LINGO2: variants seen among roughly 807,000 people sequenced by gnomAD.
LINGO2 encodes leucine-rich repeat and immunoglobulin-like domain-containing nogo receptor-interacting protein 2.
Under a neutral mutation model 30.6 loss-of-function variants are expected in LINGO2, and 14 were observed. The ratio of observed to expected loss-of-function variants is 0.46; its 90% confidence interval spans 0.30 to 0.72. The LOEUF (loss-of-function observed/expected upper bound fraction) is 0.72, where lower values mean the gene tolerates loss of function less well. Ranked by LOEUF, LINGO2 falls within the 30% of genes least tolerant of loss-of-function variation. The pLI, the probability that LINGO2 is intolerant of heterozygous loss-of-function variation, is 0.07. For missense variants in LINGO2, 729 were observed against 751.7 expected, an observed-to-expected ratio of 0.97 and a Z score of 0.35; for synonymous variants, 317 against 288.5, an observed-to-expected ratio of 1.10 and a Z score of -1.00.
chr9:28,033,381 C>CTCT (rs1467631854), intron 4 of LINGO2, among the ~76,000 whole-genome samples: 7 of 152,104 alleles, frequency 4.6e-5, no homozygotes, highest in Non-Finnish European at 2.9e-5. Flanking sequence ...GGAGGGGGAT[C>CTCT]TCTTATTAGC....
At chr9:28,933,629 C>T in the LINGO2 span, among the ~76,000 whole-genome samples, 1 of 152,098 alleles carries the variant, frequency 6.6e-6, no homozygotes, top group Admixed American at 6.5e-5. Flanking sequence ...ACAAACAGAG[C>T]CAGGGAAGGC....
chr9:29,204,027 T>C, the LINGO2 span, among the ~76,000 whole-genome samples: 1 of 152,302 alleles, frequency 6.6e-6, no homozygotes, highest in South Asian at 2.1e-4. Context: ...CAACTGTGAA[T>C]GCACATAAAA....
chr9:28,516,459 T>C (rs187790025), intron 1 of LINGO2, among the ~76,000 whole-genome samples: 3 of 152,318 alleles, frequency 2.0e-5, no homozygotes, highest in East Asian at 3.9e-4. Flanking sequence ...CCACAGCCTG[T>C]TGGTTTTAGG....
At chr9:29,175,905 G>T in the LINGO2 span, among the ~76,000 whole-genome samples, 2 of 151,950 alleles carry the variant, frequency 1.3e-5, no homozygotes, top group Non-Finnish European at 2.9e-5. Context: ...CTTTTTCCCT[G>T]AACTTATTTT....
the LINGO2 span, among the ~76,000 whole-genome samples, chr9:28,881,487 A>T: frequency 6.6e-6 from 1 of 152,180 alleles, no homozygotes; most frequent in African/African-American, 2.4e-5. Context: ...CTAAGAAAGC[A>T]TTTTAATTTT....
rs567475144 is a variant in LINGO2, at chr9:28,449,915, C to A, written c.-279+26025G>T. 2.2e-4 allele frequency among the ~76,000 whole-genome samples: 33 copies of A among 152,086 alleles called. 1 individual carries two copies. In the South Asian group the frequency reaches 6.2e-3, roughly 29 times the overall value. ...CTGCCTTTCTTAGAGTTGACTATAG[C>A]CAAATCTCATTTCCTTATCCCCTGG... On this transcript the variant is annotated intron_variant, in intron 2 of 5. Coordinates refer to ENST00000379992, the Ensembl canonical transcript of LINGO2.
At chr9:28,866,131 A>G in the LINGO2 span, among the ~76,000 whole-genome samples, 1 of 152,090 alleles carries the variant, frequency 6.6e-6, no homozygotes, top group African/African-American at 2.4e-5. Flanking sequence ...TATGCTCTCT[A>G]TTTTATATAA....
chr9:28,963,393 T>C, the LINGO2 span, among the ~76,000 whole-genome samples: 1 of 151,920 alleles, frequency 6.6e-6, no homozygotes, highest in Non-Finnish European at 1.5e-5. Flanking sequence ...GTTCCACTAC[T>C]GGGTATGTAT....
intron 4 of LINGO2, among the ~76,000 whole-genome samples, chr9:28,123,725 G>A (rs745475679): frequency 2.8e-4 from 43 of 151,846 alleles, no homozygotes; most frequent in Non-Finnish European, 5.3e-4. Flanking sequence ...GTGCAGCGGC[G>A]TGATCTCGGC....
the LINGO2 span, among the ~76,000 whole-genome samples, chr9:29,190,535 A>G: frequency 3.9e-5 from 6 of 152,148 alleles, no homozygotes; most frequent in Admixed American, 2.6e-4. Flanking sequence ...GAAAACAACT[A>G]TTTTCTAGTT....
At chr9:28,506,403 TATATATATATATATATATACAC>T (rs1188243660) in intron 1 of LINGO2, among the ~76,000 whole-genome samples, 2 of 5,852 alleles carry the variant, frequency 3.4e-4, no homozygotes, top group African/African-American at 5.3e-4. Context: ...CTTAGACATA[TATATATATATATATATATACAC>T]ACACACACAC....
chr9:28,866,943 AT>A, the LINGO2 span, among the ~76,000 whole-genome samples: 3 of 152,302 alleles, frequency 2.0e-5, 1 homozygote, highest in Middle Eastern at 0.01. Flanking sequence ...ATTCATCCTT[AT>A]TTCTTAGAAT....
At chr9:29,016,010 A>G in the LINGO2 span, among the ~76,000 whole-genome samples, 1 of 152,202 alleles carries the variant, frequency 6.6e-6, no homozygotes, top group East Asian at 1.9e-4. Context: ...TTCTCTTTCT[A>G]TGTGTACCTT....
chr9:28,156,172 C>T (rs117209142), intron 4 of LINGO2, among the ~76,000 whole-genome samples: 3,616 of 152,198 alleles, frequency 0.024, 85 homozygotes, highest in Non-Finnish European at 0.036. Context: ...TTTCTCATTT[C>T]GTCTTATGTA....
the LINGO2 span, among the ~76,000 whole-genome samples, chr9:28,754,444 A>G: frequency 1.3e-5 from 2 of 152,102 alleles, no homozygotes; most frequent in African/African-American, 2.4e-5. Context: ...ATCCCAGAAG[A>G]TACTTGTTAG....
intron 3 of LINGO2, among the ~76,000 whole-genome samples, chr9:28,300,884 C>A (rs1359416991): frequency 6.7e-6 from 1 of 150,276 alleles, no homozygotes; most frequent in Non-Finnish European, 1.5e-5. Flanking sequence ...TTGAACATGT[C>A]AGAACATGTC....
chr9:28,957,908 T>C, the LINGO2 span, among the ~76,000 whole-genome samples: 1 of 152,324 alleles, frequency 6.6e-6, no homozygotes, highest in East Asian at 1.9e-4. Flanking sequence ...TCTTTACTTA[T>C]AGCATCTGAA....
At chr9:28,384,258 C>G (rs1821480424) in intron 2 of LINGO2, among the ~76,000 whole-genome samples, 2 of 149,534 alleles carry the variant, frequency 1.3e-5, no homozygotes, top group South Asian at 4.2e-4. Context: ...TAATCCCCCT[C>G]AATCCATCAC....
At chr9:28,514,070 G>C (rs1425558537) in intron 1 of LINGO2, among the ~76,000 whole-genome samples, 3 of 152,146 alleles carry the variant, frequency 2.0e-5, no homozygotes, top group African/African-American at 7.2e-5. Context: ...GATCTTTGAC[G>C]TTACTGTTGT....
Sources: allele counts gnomAD v4.1 joint callset (sites outside exome capture counted in the v4.1 genomes callset), GRCh38; gene constraint gnomAD v4.1.1; transcripts MANE v1.5; gene names NCBI Gene and HGNC (gene_info 2026-07-23, HGNC 2026-07-21).